SPOCK1: variants seen among roughly 807,000 people sequenced by gnomAD.
The protein encoded by SPOCK1 is testican-1.
A neutral mutation model predicts 55.3 loss-of-function variants in SPOCK1; 23 were observed. That is an observed-to-expected ratio of 0.42 (90% CI 0.30 to 0.59). SPOCK1 has a LOEUF of 0.59. Ranked by LOEUF, SPOCK1 falls within the 20% of genes least tolerant of loss-of-function variation. The pLI, the probability that SPOCK1 is intolerant of heterozygous loss-of-function variation, is 0.22. For missense variants in SPOCK1, 499 were observed against 552.5 expected (o/e 0.90, Z 0.97); for synonymous variants, 226 against 221.0 (o/e 1.02, Z -0.20).
chr5:137,321,790 A>ATT (rs748410256), intron 2 of SPOCK1, among the ~76,000 whole-genome samples: 6 of 152,000 alleles, frequency 3.9e-5, no homozygotes, highest in Non-Finnish European at 8.8e-5. Context: ...AGGCAGGAGA[A>ATT]TTGCTTGAAC....
intron 6 of SPOCK1, among the ~76,000 whole-genome samples, chr5:137,012,358 A>G (rs1055038013): frequency 7.9e-5 from 12 of 152,176 alleles, no homozygotes; most frequent in African/African-American, 2.7e-4. Context: ...TGGAGAAAGA[A>G]GCACTTTGGG....
At chr5:136,987,203 T>C (rs1750860177) in intron 8 of SPOCK1, among the ~76,000 whole-genome samples, 1 of 152,072 alleles carries the variant, frequency 6.6e-6, no homozygotes, top group South Asian at 2.1e-4. Context: ...CTTTATGGCT[T>C]CTTAGAAGCC....
chr5:137,224,915 T>C (rs1473733126), intron 3 of SPOCK1, among the ~76,000 whole-genome samples: 1 of 152,128 alleles, frequency 6.6e-6, no homozygotes, highest in Non-Finnish European at 1.5e-5. Flanking sequence ...CCCAATTTAA[T>C]AGGCAGTCAT....
intron 3 of SPOCK1, among the ~76,000 whole-genome samples, chr5:137,199,342 T>G (rs1755365705): frequency 6.6e-6 from 1 of 152,186 alleles, no homozygotes; most frequent in South Asian, 2.1e-4. Flanking sequence ...CTTCACCTCA[T>G]GGATTCCCAT....
At chr5:137,394,438 A>G (rs1751797787) in intron 2 of SPOCK1, among the ~76,000 whole-genome samples, 1 of 152,260 alleles carries the variant, frequency 6.6e-6, no homozygotes, top group African/African-American at 2.4e-5. Context: ...GTTGCTTAGT[A>G]TCACAAAGGA....
At chr5:137,178,890 C>T (rs1468249014) in intron 3 of SPOCK1, among the ~76,000 whole-genome samples, 1 of 152,128 alleles carries the variant, frequency 6.6e-6, no homozygotes, top group Non-Finnish European at 1.5e-5. Context: ...GATAGTAGTA[C>T]AGCATAACCT....
chr5:137,269,125 A>G (rs979525833), intron 2 of SPOCK1, among the ~76,000 whole-genome samples: 1 of 152,264 alleles, frequency 6.6e-6, no homozygotes, highest in Non-Finnish European at 1.5e-5. Context: ...AGTTTTAAGT[A>G]TAAGGCCTCC....
chr5:137,457,032 G>A (rs888280631), intron 2 of SPOCK1, among the ~76,000 whole-genome samples: 2 of 152,168 alleles, frequency 1.3e-5, no homozygotes, highest in African/African-American at 4.8e-5. Flanking sequence ...CCTACTTAAT[G>A]GTCTGGGGCT....
intron 3 of SPOCK1, among the ~76,000 whole-genome samples, chr5:137,177,198 G>C (rs760256937): frequency 6.6e-6 from 1 of 152,174 alleles, no homozygotes; most frequent in Non-Finnish European, 1.5e-5. Context: ...TTTTTTCTTA[G>C]TAGCTGCAGA....
chr5:137,007,803 G>T (rs1156817750), intron 6 of SPOCK1, among the ~76,000 whole-genome samples: 1 of 152,044 alleles, frequency 6.6e-6, no homozygotes, highest in Admixed American at 6.6e-5. Flanking sequence ...ATACCCAAAG[G>T]ATTATAAATC....
At chr5:137,348,401 C>T (rs1200982096) in intron 2 of SPOCK1, among the ~76,000 whole-genome samples, 2 of 147,088 alleles carry the variant, frequency 1.4e-5, no homozygotes, top group South Asian at 4.4e-4. Flanking sequence ...CAAAATGGAA[C>T]ATCTGAACTT....
chr5:137,131,152 A>G (rs1266906193), intron 4 of SPOCK1, among the ~76,000 whole-genome samples: 1 of 152,232 alleles, frequency 6.6e-6, no homozygotes, highest in African/African-American at 2.4e-5. Flanking sequence ...TCTGATATAA[A>G]GTGTCTAAAC....
In SPOCK1 at chr5:137,140,711, A is replaced by G; in HGVS notation, c.233-17T>C. The G allele has an allele frequency of 6.7e-7, 1 of 1,485,326 alleles. No homozygotes were observed. The highest frequency in any genetic ancestry group is 9.2e-7 in the Non-Finnish European group (1 of 1,090,858). 92.0% of individuals were successfully genotyped at this position (1,485,326 alleles called of 1,614,324 possible). ...GGTCCAGGGCTGAGGCAAAAACAAGAAGGAGGGCAGGGTTTAGGACCTCCA... is the reference window on the plus strand; with the variant it reads ...GGTCCAGGGCTGAGGCAAAAACAAGGAGGAGGGCAGGGTTTAGGACCTCCA... On this transcript the variant is annotated splice_polypyrimidine_tract_variant and intron_variant, in intron 3 of 10. Transcript: ENST00000394945.
At chr5:137,419,344 A>T (rs560610301) in intron 2 of SPOCK1, among the ~76,000 whole-genome samples, 27 of 152,222 alleles carry the variant, frequency 1.8e-4, no homozygotes, top group African/African-American at 6.5e-4. Context: ...GAAGAAAGTC[A>T]TTGGTAGCTT....
chr5:137,389,625 C>T (rs569161574), intron 2 of SPOCK1, among the ~76,000 whole-genome samples: 1 of 152,320 alleles, frequency 6.6e-6, no homozygotes, highest in Admixed American at 6.5e-5. Flanking sequence ...CAGTGACATC[C>T]TCATCTCACA....
intron 3 of SPOCK1, among the ~76,000 whole-genome samples, chr5:137,186,470 C>G (rs890895937): frequency 1.6e-4 from 24 of 152,190 alleles, no homozygotes. Context: ...CAATTCCACT[C>G]AAAGAAAACA....
At chr5:137,435,777 CT>C (rs1752852101) in intron 2 of SPOCK1, among the ~76,000 whole-genome samples, 1 of 151,134 alleles carries the variant, frequency 6.6e-6, no homozygotes, top group Admixed American at 6.6e-5. Context: ...AAAATTAATG[CT>C]TTGTTGCATG....
intron 6 of SPOCK1, among the ~76,000 whole-genome samples, chr5:137,066,987 C>CAGAGAGAG (rs753181225): frequency 7.2e-6 from 1 of 139,588 alleles, no homozygotes; most frequent in African/African-American, 2.6e-5. Context: ...CACACACACA[C>CAGAGAGAG]AGAGAGAGAG....
chr5:137,378,155 G>C (rs1183062924), intron 2 of SPOCK1, among the ~76,000 whole-genome samples: 1 of 152,076 alleles, frequency 6.6e-6, no homozygotes, highest in Non-Finnish European at 1.5e-5. Context: ...TGTTGGTCAG[G>C]CTGGTCTCGA....
Sources: gnomAD v4.1 joint callset for allele counts (sites outside exome capture counted in the v4.1 genomes callset) on GRCh38, gnomAD v4.1.1 for gene constraint, MANE v1.5 for transcripts, NCBI Gene and HGNC (gene_info 2026-07-23, HGNC 2026-07-21) for gene names.